The following OMA1 variants were observed in gnomAD, a reference collection of about 807,000 sequenced individuals.
OMA1 encodes OMA1 zinc metallopeptidase.
Under a neutral mutation model 30.9 loss-of-function variants are expected in OMA1, and 38 were observed. The observed-to-expected ratio is 1.23, with a 90% CI of 0.95 to 1.61. The LOEUF (loss-of-function observed/expected upper bound fraction) is 1.61. Among genes scored for constraint, OMA1 ranks in the 40% most tolerant of loss-of-function variants. The pLI, the probability that OMA1 is intolerant of heterozygous loss-of-function variation, is 0.00. For missense variants in OMA1, 461 were observed against 349.2 expected, an observed-to-expected ratio of 1.32 and a Z score of -2.55; for synonymous variants, 173 against 121.9, an observed-to-expected ratio of 1.42 and a Z score of -2.76.
intron 8 of OMA1, among the ~76,000 whole-genome samples, chr1:58,502,190 T>C (rs1176997105): frequency 6.6e-6 from 1 of 152,200 alleles, no homozygotes; most frequent in African/African-American, 2.4e-5. Context: ...CAATCTTCAA[T>C]AAGCTAAAGT....
chr1:58,484,214 T>G lies in OMA1; in HGVS notation c.1366-3040A>C, dbSNP rs534495791. Among the ~76,000 whole-genome samples the G allele has an allele frequency of 7.2e-5, 11 of 152,354 alleles. No individual in the cohort carries two copies. In the South Asian group the frequency reaches 2.3e-3, roughly 32 times the overall value. On this transcript the variant is annotated intron_variant, in intron 8 of 8. Transcript: ENST00000371226. ...CTTTGTATTTCTCCGTTACTGGGCATTAGAATTGTTCCCACAGTTGTGTCT... is the reference window on the plus strand; with the variant it reads ...CTTTGTATTTCTCCGTTACTGGGCAGTAGAATTGTTCCCACAGTTGTGTCT...
chr1:58,519,110 T>C (rs537250604), intron 7 of OMA1, among the ~76,000 whole-genome samples: 59 of 152,300 alleles, frequency 3.9e-4, no homozygotes, highest in African/African-American at 1.4e-3. Flanking sequence ...AGTATTTGAC[T>C]TCCAAGAAAG....
chr1:58,499,793 A>G (rs966859119), intron 8 of OMA1, among the ~76,000 whole-genome samples: 6 of 152,024 alleles, frequency 3.9e-5, no homozygotes, highest in Non-Finnish European at 8.8e-5. Flanking sequence ...AGTTAAAGTA[A>G]ATAAAAAATA....
rs144621209 is a variant in OMA1 at position 58,520,392 on chromosome 1, A to G, written c.1215+6869T>C. On this transcript the variant is annotated intron_variant, in intron 7 of 8. Transcript: ENST00000371226. ...ATAAGAACACAAACTTCCTTGCCCA[A>G]TTTGAAAATGGGAAAAATATCTGAG... Among the ~76,000 whole-genome samples, 783 of 152,348 alleles carry G rather than the reference A, an allele frequency of 5.1e-3. 8 individuals carry two copies. Among genetic ancestry groups the G allele is most frequent in the African/African-American group, 0.018 (747 of 41,592 alleles).
At chr1:58,506,824 T>A (rs1242709702) in intron 7 of OMA1, among the ~76,000 whole-genome samples, 1 of 152,156 alleles carries the variant, frequency 6.6e-6, no homozygotes, top group Non-Finnish European at 1.5e-5. Flanking sequence ...ATTTTCTCAA[T>A]GTATATGGAC....
intron 7 of OMA1, among the ~76,000 whole-genome samples, chr1:58,522,114 GC>G (rs1295976344): frequency 2.6e-5 from 4 of 152,028 alleles, no homozygotes; most frequent in Non-Finnish European, 5.9e-5. Context: ...AATGTAATTT[GC>G]CCAATAACAG....
At chr1:58,517,996 G>A (rs1646184026) in intron 7 of OMA1, among the ~76,000 whole-genome samples, 1 of 151,316 alleles carries the variant, frequency 6.6e-6, no homozygotes, top group African/African-American at 2.4e-5. Flanking sequence ...AGACCAGCCT[G>A]CCCAACATGG....
intron 8 of OMA1, among the ~76,000 whole-genome samples, chr1:58,495,666 T>C (rs1481615463): frequency 6.6e-6 from 1 of 152,070 alleles, no homozygotes; most frequent in East Asian, 1.9e-4. Flanking sequence ...TGACATATTG[T>C]CCTATGTGTT....
intron 8 of OMA1, among the ~76,000 whole-genome samples, chr1:58,502,764 C>T (rs1257830305): frequency 6.6e-6 from 1 of 152,036 alleles, no homozygotes; most frequent in Non-Finnish European, 1.5e-5. Context: ...AACAATATAC[C>T]CTTGTACTAT....
chr1:58,535,594 T>C (rs950822318), intron 3 of OMA1, among the ~76,000 whole-genome samples: 4 of 42,480 alleles, frequency 9.4e-5, no homozygotes, highest in African/African-American at 3.2e-4. Context: ...AGTCTCTGTC[T>C]CAAAAAAAAA....
intron 7 of OMA1, among the ~76,000 whole-genome samples, chr1:58,519,616 T>C (rs551757375): frequency 5.9e-5 from 9 of 152,232 alleles, no homozygotes; most frequent in African/African-American, 1.9e-4. Flanking sequence ...CAGAACTGTT[T>C]ATATGAAACA....
Position 58,514,839 on chromosome 1 carries a change from A to G in OMA1, c.1216-8630T>C, listed in dbSNP as rs576974740. Among the ~76,000 whole-genome samples the G allele has an allele frequency of 1.1e-4, 16 of 152,320 alleles. No homozygotes were observed. The South Asian group carries it at 2.9e-3, about 28-fold the overall frequency. On this transcript the variant is annotated intron_variant, in intron 7 of 8. Coordinates refer to ENST00000371226, the MANE Select transcript of OMA1 (RefSeq NM_145243.5). ...TATAAGATGGAAAGTTCCCTTTCAG[A>G]AATGAATGTACCTCCACTTTGGGAG... is the stretch of plus-strand genomic sequence containing the variant.
chr1:58,511,833 G>A (rs949634268), intron 7 of OMA1, among the ~76,000 whole-genome samples: 9 of 152,028 alleles, frequency 5.9e-5, no homozygotes, highest in African/African-American at 1.9e-4. Flanking sequence ...GAAAATATAA[G>A]GGAAAAGTTT....
rs754396736 is a variant in OMA1, at chr1:58,534,050, A to G, written c.914T>C (p.Met305Thr). The G allele has an allele frequency of 1.1e-6, 1 of 870,764 alleles. No individual in the cohort carries two copies. Among genetic ancestry groups the G allele is most frequent in the Non-Finnish European group, 2.0e-6 (1 of 501,228 alleles). The allele number at this position is 870,764 out of a possible 1,614,324, so 53.9% of individuals were successfully genotyped here. A position where few individuals can be genotyped will look rare whatever the true frequency, so the allele number is the denominator to read the frequency against. ...INAFVLPNGQ[M>T]FVFTGFLNSV... is the part of the protein sequence containing the mutation. ...ATTTAAAAATCCAGTGAAAACAAAC[A>G]TTTGTCCATTCTGCACCACAAAGAA... The change falls in exon 5 of 9, where the codon ATG becomes ACG. Residue 305 changes from methionine (M) to threonine (T), a missense_variant. Transcript: ENST00000371226.
At chr1:58,515,317 A>G (rs1387804007) in intron 7 of OMA1, among the ~76,000 whole-genome samples, 1 of 152,212 alleles carries the variant, frequency 6.6e-6, no homozygotes, top group African/African-American at 2.4e-5. Flanking sequence ...ATGTGCTCCA[A>G]CATAAAAATG....
chr1:58,506,672 T>C (rs1250040271), intron 7 of OMA1, among the ~76,000 whole-genome samples: 1 of 152,180 alleles, frequency 6.6e-6, no homozygotes, highest in East Asian at 1.9e-4. Flanking sequence ...AAATTAAAAA[T>C]TCTGTTTTCA....
At chr1:58,519,858 G>T (rs1467256923) in intron 7 of OMA1, among the ~76,000 whole-genome samples, 1 of 152,112 alleles carries the variant, frequency 6.6e-6, no homozygotes, top group Admixed American at 6.5e-5. Flanking sequence ...GGGATATTCT[G>T]GAATGAAAAG....
intron 6 of OMA1, 62 bp from the exon 7 acceptor site, chr1:58,527,397 A>G (rs1646369288): frequency 2.5e-6 from 2 of 814,440 alleles, no homozygotes; most frequent in Admixed American, 1.8e-5. Flanking sequence ...AAGGAGTAAC[A>G]CAGAGAGATT....
At chr1:58,503,094 C>T (rs1352790118) in intron 8 of OMA1, among the ~76,000 whole-genome samples, 1 of 152,122 alleles carries the variant, frequency 6.6e-6, no homozygotes, top group African/African-American at 2.4e-5. Flanking sequence ...GAAATGACAA[C>T]TCAGAATTTA....
Sources: allele counts gnomAD v4.1 joint callset (sites outside exome capture counted in the v4.1 genomes callset), GRCh38; gene constraint gnomAD v4.1.1; transcripts MANE v1.5; gene names NCBI Gene and HGNC (gene_info 2026-07-23, HGNC 2026-07-21).